LZTS1: variants seen among roughly 807,000 people sequenced by gnomAD.
LZTS1 encodes leucine zipper putative tumor suppressor 1.
A neutral mutation model predicts 45.8 loss-of-function variants in LZTS1; 31 were observed. The observed-to-expected ratio is 0.68, with a 90% confidence interval of 0.51 to 0.91. The LOEUF (loss-of-function observed/expected upper bound fraction) is 0.91. Ranked by LOEUF, LZTS1 falls within the 40% of genes least tolerant of loss-of-function variation. The probability of loss-of-function intolerance (pLI) is 0.00; values close to 1 mark genes in which losing one functional copy is unlikely to be tolerated. For synonymous variants in LZTS1, 359 were observed against 357.3 expected, an observed-to-expected ratio of 1.00 and a Z score of -0.05; for missense variants, 821 against 788.9, an observed-to-expected ratio of 1.04 and a Z score of -0.49.
rs911410602 is a variant in LZTS1, at chr8:20,249,145, T to C, written c.*577A>G. On this transcript the variant is annotated 3_prime_UTR_variant, in exon 4 of 4. Coordinates refer to ENST00000381569, the MANE Select transcript of LZTS1 (RefSeq NM_021020.5). ...TCTCCACACTGCTGGGCTGCCTGTCTCTCCCCTCCTTCCTGTGGCTTGCCG... is the reference window on the plus strand; with the variant it reads ...TCTCCACACTGCTGGGCTGCCTGTCCCTCCCCTCCTTCCTGTGGCTTGCCG... 2 of 153,692 alleles carry C rather than the reference T, an allele frequency of 1.3e-5. No individual in the cohort carries two copies. The highest frequency in any genetic ancestry group is 4.8e-5 in the African/African-American group (2 of 41,460). The allele number at this position is 153,692 out of a possible 1,614,324, so 9.5% of individuals were successfully genotyped here. A position where few individuals can be genotyped will look rare whatever the true frequency, so the allele number is the denominator to read the frequency against.
At chr8:20,274,693 G>A (rs1800541116) in intron 1 of LZTS1, among the ~76,000 whole-genome samples, 1 of 152,204 alleles carries the variant, frequency 6.6e-6, no homozygotes, top group Non-Finnish European at 1.5e-5. Context: ...TCCACTTTGT[G>A]AAAATAATCT....
At chr8:20,266,110 C>T (rs1188827030) in intron 1 of LZTS1, among the ~76,000 whole-genome samples, 1 of 151,772 alleles carries the variant, frequency 6.6e-6, no homozygotes, top group East Asian at 1.9e-4. Context: ...GCAACCTCAA[C>T]CTCCAAGGCT....
intron 1 of LZTS1, among the ~76,000 whole-genome samples, chr8:20,275,045 G>A (rs1352350639): frequency 6.6e-6 from 1 of 151,648 alleles, no homozygotes; most frequent in East Asian, 1.9e-4. Flanking sequence ...TCTCTGAAGG[G>A]CAGTGGGTGG....
At position 20,270,833 on chromosome 8, in the gene LZTS1, T is replaced by TG. The variant is rs1563878388; in HGVS notation, c.-134-15519_-134-15518insC. 2.5e-3 allele frequency among the ~76,000 whole-genome samples: 298 copies of TG among 119,198 alleles called. 5 individuals carry two copies. Among genetic ancestry groups the TG allele is most frequent in the Middle Eastern group, 0.022 (5 of 232 alleles). 78.2% of individuals were successfully genotyped at this position (119,198 alleles called of 152,430 possible). ...TGTGTGTGTGTGTGTGTGTGTGTGT[T>TG]TGTGTGTGTGGAGAGGGAAGGGGTG... On this transcript the variant is annotated intron_variant, in intron 1 of 3. Transcript: ENST00000381569.
intron 1 of LZTS1, among the ~76,000 whole-genome samples, chr8:20,268,509 T>A (rs975001605): frequency 1.3e-5 from 2 of 151,156 alleles, no homozygotes; most frequent in Non-Finnish European, 2.9e-5. Context: ...CATTTGCTGC[T>A]CTAGATGAGG....
intron 1 of LZTS1, among the ~76,000 whole-genome samples, chr8:20,258,775 C>A (rs1449545022): frequency 1.3e-5 from 2 of 152,178 alleles, no homozygotes; most frequent in African/African-American, 4.8e-5. Flanking sequence ...TATATTGTGA[C>A]CATTGTCCTT....
At chr8:20,267,999 A>C (rs1318375557) in intron 1 of LZTS1, among the ~76,000 whole-genome samples, 1 of 152,230 alleles carries the variant, frequency 6.6e-6, no homozygotes, top group Non-Finnish European at 1.5e-5. Context: ...ATTAAATGAA[A>C]TCACAGATAC....
intron 1 of LZTS1, among the ~76,000 whole-genome samples, chr8:20,289,476 C>A (rs1800859794): frequency 6.6e-6 from 1 of 152,216 alleles, no homozygotes; most frequent in African/African-American, 2.4e-5. Context: ...GAGACCAGCA[C>A]TGCAATTAAA....
At chr8:20,298,417 A>C (rs1801014891) in intron 1 of LZTS1, among the ~76,000 whole-genome samples, 1 of 152,194 alleles carries the variant, frequency 6.6e-6, no homozygotes. Flanking sequence ...TGGCAAAGGG[A>C]ATCTTCTCAC....
At chr8:20,278,128 T>TGGTGCCAGGGACAGGCAGTCTCCCAGTA (rs1800620645) in intron 1 of LZTS1, among the ~76,000 whole-genome samples, 1 of 152,156 alleles carries the variant, frequency 6.6e-6, no homozygotes, top group South Asian at 2.1e-4. Flanking sequence ...TGGTCACAGC[T>TGGTGCCAGGGACAGGCAGTCTCCCAGTA]GGTGCCAGGG....
chr8:20,299,028 C>A (rs1389848163), intron 1 of LZTS1, among the ~76,000 whole-genome samples: 1 of 152,210 alleles, frequency 6.6e-6, no homozygotes, highest in African/African-American at 2.4e-5. Flanking sequence ...TTCTCCAACC[C>A]TGGGAGGAGG....
intron 1 of LZTS1, chr8:20,290,125 G>C (rs1800875305): frequency 6.6e-6 from 1 of 152,220 alleles, no homozygotes. Context: ...TGTTGGTGGA[G>C]ACACTGCCTT....
At position 20,252,837 on chromosome 8, in the gene LZTS1, G is replaced by A; in HGVS notation, c.1094C>T (p.Ser365Phe). 1.3e-6 allele frequency: 2 copies of A among 1,574,778 alleles called. No homozygotes were observed. The highest frequency in any genetic ancestry group is 1.7e-6 in the Non-Finnish European group (2 of 1,161,230). ...EQDLLETKLRSYEREKTSFGP... is the reference protein window; with the variant it reads ...EQDLLETKLRFYEREKTSFGP... ...GAAGCTGGTCTTCTCCCTCTCGTAG[G>A]ACCTGAGCTTGGTCTCCAGCAGGTC... The change falls in exon 3 of 4, where the codon TCC becomes TTC. Residue 365 changes from serine to phenylalanine, a missense_variant. Physicochemically the swap from Ser to Phe is radical, Grantham distance 155. Transcript: ENST00000381569.
Position 20,299,331 on chromosome 8 carries a change from G to T in LZTS1, c.-135+4409C>A, listed in dbSNP as rs138806060. Among the ~76,000 whole-genome samples, 158 of 152,332 alleles carry T rather than the reference G, an allele frequency of 1.0e-3. 2 individuals carry two copies. The highest frequency in any genetic ancestry group is 3.5e-3 in the African/African-American group (147 of 41,576). The stretch of plus-strand genomic sequence containing the variant: ...AGCCACCTCCTCCCTGGTAAGGAAG[G>T]TTCTGGCTCACCTGCCTCCTGCTGA... On this transcript the variant is annotated intron_variant, in intron 1 of 3. Coordinates refer to ENST00000381569, the MANE Select transcript of LZTS1 (RefSeq NM_021020.5).
chr8:20,280,194 C>T (rs931647493), intron 1 of LZTS1, among the ~76,000 whole-genome samples: 4 of 152,122 alleles, frequency 2.6e-5, no homozygotes, highest in East Asian at 1.9e-4. Flanking sequence ...TTCTTTCTTT[C>T]GAAGAATCGG....
At position 20,246,731 on chromosome 8, in the gene LZTS1, C is replaced by T. The variant is rs1339918010; in HGVS notation, c.*2991G>A. The T allele has an allele frequency of 6.5e-6, 1 of 152,684 alleles. No homozygotes were observed. Among genetic ancestry groups the T allele is most frequent in the Non-Finnish European group, 1.5e-5 (1 of 68,438 alleles). The allele number at this position is 152,684 out of a possible 1,614,324, so 9.5% of individuals were successfully genotyped here. A position where few individuals can be genotyped will look rare whatever the true frequency, so the allele number is the denominator to read the frequency against. On this transcript the variant is annotated 3_prime_UTR_variant, in exon 4 of 4. Coordinates refer to ENST00000381569, the MANE Select transcript of LZTS1 (RefSeq NM_021020.5). ...GGAGGGAACCCCGTGACAGTCCAGT[C>T]GTTCCCAGGTCCAGGGGCAGAGTCC...
At chr8:20,288,090 G>T (rs1215956002) in intron 1 of LZTS1, among the ~76,000 whole-genome samples, 1 of 151,948 alleles carries the variant, frequency 6.6e-6, no homozygotes, top group Non-Finnish European at 1.5e-5. Context: ...CCTGTCTCCT[G>T]CTCCGTCTCA....
chr8:20,259,923 G>A (rs1298018341), intron 1 of LZTS1, among the ~76,000 whole-genome samples: 1 of 146,376 alleles, frequency 6.8e-6, no homozygotes, highest in Non-Finnish European at 1.5e-5. Flanking sequence ...TAGAAACAGA[G>A]TCTCATTCTG....
At chr8:20,292,633 C>G (rs975811304) in intron 1 of LZTS1, among the ~76,000 whole-genome samples, 1 of 152,098 alleles carries the variant, frequency 6.6e-6, no homozygotes, top group Non-Finnish European at 1.5e-5. Flanking sequence ...GTCCAGGGGC[C>G]CCTTTGATTG....
Sources: gnomAD v4.1 joint callset for allele counts (sites outside exome capture counted in the v4.1 genomes callset) on GRCh38, gnomAD v4.1.1 for gene constraint, MANE v1.5 for transcripts, NCBI Gene and HGNC (gene_info 2026-07-23, HGNC 2026-07-21) for gene names.